TAFA1: variants seen among roughly 807,000 people sequenced by gnomAD.
TAFA1 encodes TAFA chemokine like family member 1, also known as chemokine-like protein TAFA-1.
TAFA1 carries 4 observed loss-of-function variants against 18.5 expected under a neutral mutation model. That is an observed-to-expected ratio of 0.22 (90% confidence interval 0.11 to 0.49). The LOEUF (loss-of-function observed/expected upper bound fraction) is 0.49, where lower values mean the gene tolerates loss of function less well. Among genes scored for constraint, TAFA1 ranks in the 20% least tolerant of loss-of-function variants. The pLI is 0.98. For synonymous variants in TAFA1, 56 were observed against 55.2 expected (o/e 1.01, Z -0.06); for missense variants, 147 against 169.0 (o/e 0.87, Z 0.72).
chr3:68,371,396 GC>G (rs1327635279), intron 2 of TAFA1, among the ~76,000 whole-genome samples: 1 of 151,818 alleles, frequency 6.6e-6, no homozygotes, highest in Non-Finnish European at 1.5e-5. Flanking sequence ...CCCCCAACGG[GC>G]CCCAGTGTGT....
chr3:68,346,996 G>GATTCTTTT (rs1188806100), intron 2 of TAFA1, among the ~76,000 whole-genome samples: 5 of 146,926 alleles, frequency 3.4e-5, no homozygotes, highest in Admixed American at 2.7e-4. Context: ...TTTCTCAGAA[G>GATTCTTTT]GTTCTTTTGC....
chr3:68,187,769 C>G (rs1331609935), intron 2 of TAFA1, among the ~76,000 whole-genome samples: 1 of 151,994 alleles, frequency 6.6e-6, no homozygotes, highest in Non-Finnish European at 1.5e-5. Flanking sequence ...ACAGCTTATA[C>G]TTATCCCAGA....
rs138740245 is a variant in TAFA1, at chr3:68,146,901, A to G, written c.118+140157A>G. Among the ~76,000 whole-genome samples, 224 of 152,250 alleles carry G rather than the reference A, an allele frequency of 1.5e-3. 8 individuals are homozygous for G. The highest frequency in any genetic ancestry group is 0.013 in the Admixed American group (194 of 15,288). On this transcript the variant is annotated intron_variant, in intron 2 of 4. Coordinates refer to ENST00000478136, the MANE Select transcript of TAFA1 (RefSeq NM_213609.4). ...CCTACCTTTATACAATAGATTTCTT[A>G]TTTGAAAAGACTTAAATGGCTTAAA...
chr3:68,215,051 C>T (rs571280548), intron 2 of TAFA1, among the ~76,000 whole-genome samples: 1 of 152,134 alleles, frequency 6.6e-6, no homozygotes, highest in Non-Finnish European at 1.5e-5. Context: ...CATAAAACTA[C>T]TTTAAATTCA....
At chr3:68,284,781 G>C (rs1246568681) in intron 2 of TAFA1, among the ~76,000 whole-genome samples, 1 of 151,874 alleles carries the variant, frequency 6.6e-6, no homozygotes, top group Non-Finnish European at 1.5e-5. Flanking sequence ...AAAAAAAATT[G>C]TTTTAAATTA....
intron 2 of TAFA1, among the ~76,000 whole-genome samples, chr3:68,268,032 A>G (rs1213312231): frequency 1.3e-5 from 2 of 152,126 alleles, no homozygotes; most frequent in Non-Finnish European, 2.9e-5. Context: ...CAGAGAATGC[A>G]TTTTCCTTGT....
chr3:68,041,926 G>A, intron 2 of TAFA1, among the ~76,000 whole-genome samples: 1 of 151,062 alleles, frequency 6.6e-6, no homozygotes, highest in Admixed American at 6.6e-5. Flanking sequence ...CATGGACCTG[G>A]AGTAGAGATT....
chr3:68,377,033 G>T (rs966799438), intron 2 of TAFA1, among the ~76,000 whole-genome samples: 3 of 152,034 alleles, frequency 2.0e-5, no homozygotes, highest in African/African-American at 4.8e-5. Context: ...GTTTCCTGAG[G>T]TTTCCCAAGC....
At chr3:68,036,899 AT>A (rs1705061546) in intron 2 of TAFA1, among the ~76,000 whole-genome samples, 1 of 152,074 alleles carries the variant, frequency 6.6e-6, no homozygotes, top group African/African-American at 2.4e-5. Context: ...TTGTTTTTTC[AT>A]TTGTACAATC....
At chr3:68,205,444 C>T (rs911833829) in intron 2 of TAFA1, among the ~76,000 whole-genome samples, 1 of 151,850 alleles carries the variant, frequency 6.6e-6, no homozygotes, top group Non-Finnish European at 1.5e-5. Flanking sequence ...TCCATCAGGA[C>T]TCTGTGACCC....
chr3:68,245,324 T>C (rs968466990), intron 2 of TAFA1, among the ~76,000 whole-genome samples: 1 of 152,232 alleles, frequency 6.6e-6, no homozygotes, highest in African/African-American at 2.4e-5. Flanking sequence ...GCTGTGTTGA[T>C]TTTTAGCAGA....
intron 2 of TAFA1, among the ~76,000 whole-genome samples, chr3:68,165,176 T>C (rs2065969343): frequency 6.6e-6 from 1 of 152,214 alleles, no homozygotes; most frequent in Admixed American, 6.5e-5. Flanking sequence ...GAATCTCACC[T>C]TCTATCTGAT....
intron 2 of TAFA1, among the ~76,000 whole-genome samples, chr3:68,241,134 T>A (rs954178975): frequency 3.9e-5 from 6 of 152,178 alleles, no homozygotes; most frequent in African/African-American, 1.2e-4. Flanking sequence ...GTCAGTTATC[T>A]GCGGTTATAA....
chr3:68,021,742 G>C (rs767040072), intron 2 of TAFA1, among the ~76,000 whole-genome samples: 1 of 152,178 alleles, frequency 6.6e-6, no homozygotes, highest in Non-Finnish European at 1.5e-5. Context: ...AGTATCTTAT[G>C]ATTTAAGACT....
rs71112624 is a variant in TAFA1 at position 68,224,896 on chromosome 3, CTTTTTTTTTTTTTTT to C, written c.119-192368_119-192354del. 9.5e-4 allele frequency among the ~76,000 whole-genome samples: 44 copies of C among 46,366 alleles called. 1 individual carries two copies. Among genetic ancestry groups the C allele is most frequent in the African/African-American group, 3.9e-3 (37 of 9,512 alleles). 30.4% of individuals were successfully genotyped at this position (46,366 alleles called of 152,430 possible). ...TTTCCAAAACGTTTGGCTTGTGGCA[CTTTTTTTTTTTTTTT>C]TTTTTTTTTTTTTTTGAGATGGAGT... On this transcript the variant is annotated intron_variant, in intron 2 of 4. Coordinates refer to ENST00000478136, the MANE Select transcript of TAFA1 (RefSeq NM_213609.4).
At chr3:68,263,225 A>T (rs192761384) in intron 2 of TAFA1, among the ~76,000 whole-genome samples, 8 of 152,222 alleles carry the variant, frequency 5.3e-5, no homozygotes, top group African/African-American at 1.7e-4. Flanking sequence ...TGGTAAAAGT[A>T]TACTTCTATG....
At chr3:68,362,535 GGA>G (rs1313469432) in intron 2 of TAFA1, among the ~76,000 whole-genome samples, 1 of 152,066 alleles carries the variant, frequency 6.6e-6, no homozygotes, top group Non-Finnish European at 1.5e-5. Flanking sequence ...CATATCTATT[GGA>G]CACCTTCTCA....
rs565956407 is a variant in TAFA1, at chr3:68,494,914, G to A, written c.260-43842G>A. ...AAACTTGGCTTGGATTCCATAGGAC[G>A]TTAACAAAAAGATCAGGCTGAAAGT... On this transcript the variant is annotated intron_variant, in intron 3 of 4. Coordinates refer to ENST00000478136, the MANE Select transcript of TAFA1 (RefSeq NM_213609.4). Among the ~76,000 whole-genome samples, 63 of 152,130 alleles carry A rather than the reference G, an allele frequency of 4.1e-4. 1 individual carries two copies. The highest frequency in any genetic ancestry group is 3.2e-3 in the Middle Eastern group (1 of 316).
At chr3:68,030,064 C>G (rs1321914617) in intron 2 of TAFA1, among the ~76,000 whole-genome samples, 1 of 152,036 alleles carries the variant, frequency 6.6e-6, no homozygotes, top group Non-Finnish European at 1.5e-5. Context: ...AACTTTTCTT[C>G]AGGATATTAA....
Sources: gnomAD v4.1 joint callset for allele counts (sites outside exome capture counted in the v4.1 genomes callset) on GRCh38, gnomAD v4.1.1 for gene constraint, MANE v1.5 for transcripts, NCBI Gene and HGNC (gene_info 2026-07-23, HGNC 2026-07-21) for gene names.